Variants in ROBO2 observed in about 807,000 individuals in gnomAD.
ROBO2 encodes the protein roundabout homolog 2.
In ROBO2, 53 loss-of-function variants were observed where a neutral mutation model predicts 160.8. The ratio of observed to expected loss-of-function variants is 0.33; its 90% CI spans 0.26 to 0.41. The LOEUF is 0.41. Among genes scored for constraint, ROBO2 ranks in the 10% least tolerant of loss-of-function variants. The probability of loss-of-function intolerance (pLI) is 1.00; values close to 1 mark genes in which losing one functional copy is unlikely to be tolerated. For missense variants in ROBO2, 1,577 were observed against 1,722.4 expected, an observed-to-expected ratio of 0.92 and a Z score of 1.49; for synonymous variants, 664 against 611.7, an observed-to-expected ratio of 1.09 and a Z score of -1.26.
intron 2 of ROBO2, among the ~76,000 whole-genome samples, chr3:76,644,719 G>A (rs944912564): frequency 1.3e-5 from 2 of 152,134 alleles, no homozygotes; most frequent in Non-Finnish European, 2.9e-5. Flanking sequence ...ACATTCAAGA[G>A]CTGACATTGT....
intron 2 of ROBO2, among the ~76,000 whole-genome samples, chr3:76,980,287 G>C (rs995225606): frequency 6.6e-6 from 1 of 152,312 alleles, no homozygotes; most frequent in South Asian, 2.1e-4. Flanking sequence ...GGCAGAAATA[G>C]CACAGCCACT....
intron 2 of ROBO2, among the ~76,000 whole-genome samples, chr3:76,240,180 A>C (rs535414024): frequency 1.3e-5 from 2 of 152,232 alleles, no homozygotes; most frequent in Non-Finnish European, 2.9e-5. Context: ...TATGCAGAAC[A>C]TGCAGGTTTG....
At chr3:76,732,811 T>A (rs1266150474) in intron 2 of ROBO2, among the ~76,000 whole-genome samples, 3 of 152,160 alleles carry the variant, frequency 2.0e-5, no homozygotes, top group African/African-American at 4.8e-5. Context: ...TTTACTTCTG[T>A]ATATATGGCC....
At chr3:76,345,441 C>CTT (rs5850253) in intron 2 of ROBO2, among the ~76,000 whole-genome samples, 97 of 133,262 alleles carry the variant, frequency 7.3e-4, no homozygotes, top group African/African-American at 2.6e-3. Context: ...TCTTTTCTTT[C>CTT]TTTTTTTTTT....
At chr3:76,597,265 C>T (rs947121606) in intron 2 of ROBO2, among the ~76,000 whole-genome samples, 1 of 151,256 alleles carries the variant, frequency 6.6e-6, no homozygotes, top group African/African-American at 2.4e-5. Context: ...ATAAATGGAC[C>T]ACATCAAAAT....
chr3:77,033,212 A>G (rs2063429923), intron 2 of ROBO2, among the ~76,000 whole-genome samples: 1 of 152,194 alleles, frequency 6.6e-6, no homozygotes, highest in African/African-American at 2.4e-5. Context: ...AGTATTCTCT[A>G]TTGTGTCCTT....
At chr3:75,909,220 C>G (rs1206569602) in intron 1 of ROBO2, among the ~76,000 whole-genome samples, 1 of 152,102 alleles carries the variant, frequency 6.6e-6, no homozygotes, top group East Asian at 1.9e-4. Context: ...CCTTTTTCCT[C>G]CTTTTCTTTC....
chr3:77,297,011 T>TTAAG (rs776340694), intron 2 of ROBO2, among the ~76,000 whole-genome samples: 4 of 151,710 alleles, frequency 2.6e-5, no homozygotes, highest in Non-Finnish European at 5.9e-5. Context: ...TTTTTTGAAA[T>TTAAG]TAAGTTGTTC....
intron 2 of ROBO2, among the ~76,000 whole-genome samples, chr3:77,243,253 G>A (rs937790153): frequency 6.6e-6 from 1 of 152,050 alleles, no homozygotes; most frequent in African/African-American, 2.4e-5. Context: ...TCTTGTGTAA[G>A]AATCATTATT....
chr3:77,376,903 T>G (rs2072761057), intron 2 of ROBO2, among the ~76,000 whole-genome samples: 1 of 152,350 alleles, frequency 6.6e-6, no homozygotes, highest in Admixed American at 6.5e-5. Flanking sequence ...AGAAGTATTT[T>G]AATTCAAATA....
chr3:76,550,171 TAAATGACCACTTCTAACTAACTCGTA>T (rs2083331268), intron 2 of ROBO2, among the ~76,000 whole-genome samples: 1 of 152,208 alleles, frequency 6.6e-6, no homozygotes, highest in African/African-American at 2.4e-5. Flanking sequence ...GTCTCCTTTA[TAAATGACCACTTCTAACTAACTCGTA>T]AAATGACCAC....
chr3:77,141,492 G>A (rs1048135865), intron 2 of ROBO2, among the ~76,000 whole-genome samples: 4 of 152,142 alleles, frequency 2.6e-5, no homozygotes, highest in African/African-American at 9.7e-5. Context: ...GAGAGTCAAA[G>A]GCTGACAAAT....
chr3:77,499,191 A>T (rs570436885), intron 5 of ROBO2, among the ~76,000 whole-genome samples: 1 of 152,298 alleles, frequency 6.6e-6, no homozygotes, highest in East Asian at 1.9e-4. Context: ...TTGATCATTT[A>T]GTTTATTTAC....
rs1193840414 is a variant in ROBO2 at position 76,472,100 on chromosome 3, T to TGC, written c.109+534502_109+534503dup. Reference sequence around the variant, plus strand: ...GTGTGTGTGTGTGTGTGTGTGTGTGTGCGCGTGTGCGTGCGCATGTGTATC... The same window carrying TGC: ...GTGTGTGTGTGTGTGTGTGTGTGTGTGCGCGCGTGTGCGTGCGCATGTGTATC... On this transcript the variant is annotated intron_variant, in intron 2 of 26. Transcript: ENST00000487694. Among the ~76,000 whole-genome samples the TGC allele has an allele frequency of 8.0e-3, 887 of 111,074 alleles. 30 individuals are homozygous for TGC. The highest frequency in any genetic ancestry group is 0.041 in the East Asian group (170 of 4,154). 72.9% of individuals were successfully genotyped at this position (111,074 alleles called of 152,430 possible).
At position 76,234,951 on chromosome 3, in the gene ROBO2, GGTT is replaced by G. The variant is rs561678285; in HGVS notation, c.109+297350_109+297352del. On this transcript the variant is annotated intron_variant, in intron 2 of 26. Transcript: ENST00000487694. ...AGTCTCTCTTGTAGCTGATTTAGATGGTTTAGAAGATAAAAATTTGGACTTTGA... is the reference window on the plus strand; with the variant it reads ...AGTCTCTCTTGTAGCTGATTTAGATGTAGAAGATAAAAATTTGGACTTTGA... 4.6e-3 allele frequency among the ~76,000 whole-genome samples: 695 copies of G among 152,192 alleles called. 13 individuals carry two copies. The East Asian group carries it at 0.065, about 14-fold the overall frequency.
chr3:77,216,351 C>T (rs971867807), intron 2 of ROBO2, among the ~76,000 whole-genome samples: 5 of 152,182 alleles, frequency 3.3e-5, no homozygotes, highest in Non-Finnish European at 4.4e-5. Context: ...GAGCAAGACT[C>T]CGTGGGCATA....
At chr3:75,960,639 C>A (rs1157047024) in intron 2 of ROBO2, among the ~76,000 whole-genome samples, 1 of 151,736 alleles carries the variant, frequency 6.6e-6, no homozygotes, top group Non-Finnish European at 1.5e-5. Context: ...AAATGAATTT[C>A]TGTTTTCAAA....
At chr3:76,524,826 T>TACA (rs2081846088) in intron 2 of ROBO2, among the ~76,000 whole-genome samples, 1 of 21,720 alleles carries the variant, frequency 4.6e-5, no homozygotes, top group Non-Finnish European at 9.1e-5. Flanking sequence ...CTCTTATTCC[T>TACA]AAAAAAAAAA....
At chr3:76,335,661 T>A (rs2073836682) in intron 2 of ROBO2, among the ~76,000 whole-genome samples, 2 of 151,028 alleles carry the variant, frequency 1.3e-5, no homozygotes, top group African/African-American at 4.9e-5. Flanking sequence ...CACTGCAAGC[T>A]CCACCTCCCG....
Sources: gnomAD v4.1 joint callset for allele counts (sites outside exome capture counted in the v4.1 genomes callset) on GRCh38, gnomAD v4.1.1 for gene constraint, MANE v1.5 for transcripts, NCBI Gene and HGNC (gene_info 2026-07-23, HGNC 2026-07-21) for gene names.